The following ACTN1 variants were observed in gnomAD, a reference collection of about 807,000 sequenced individuals.
ACTN1 encodes the protein alpha-actinin-1.
ACTN1 carries 30 observed loss-of-function variants against 119.6 expected under a neutral mutation model. The ratio of observed to expected loss-of-function variants is 0.25; its 90% CI spans 0.19 to 0.34. ACTN1 has a LOEUF of 0.34. ACTN1 is among the 10% of genes least tolerant of loss of function. ACTN1 has a pLI of 1.00. For missense variants in ACTN1, 764 were observed against 1,223.4 expected (o/e 0.62, Z 5.60); for synonymous variants, 429 against 472.6 (o/e 0.91, Z 1.20).
In ACTN1 at chr14:68,931,826, A is replaced by C. The variant is rs373407307; in HGVS notation, c.106-6154T>G. Among the ~76,000 whole-genome samples, 23 of 152,272 alleles carry C rather than the reference A, an allele frequency of 1.5e-4. 2 individuals carry two copies. Among genetic ancestry groups the C allele is most frequent in the Middle Eastern group, 3.4e-3 (1 of 294 alleles). On this transcript the variant is annotated intron_variant, in intron 1 of 21. Coordinates refer to ENST00000394419, the MANE Select transcript of ACTN1 (RefSeq NM_001130004.2). Reference sequence around the variant, plus strand: ...GGGAAGATTAGAGTTCAACATAATAAAGAACAGACCACAAGCTGGCTGTAC... The same window carrying C: ...GGGAAGATTAGAGTTCAACATAATACAGAACAGACCACAAGCTGGCTGTAC...
chr14:68,914,891 T>C (rs1010605554), intron 3 of ACTN1, among the ~76,000 whole-genome samples: 3 of 152,174 alleles, frequency 2.0e-5, no homozygotes, highest in Non-Finnish European at 4.4e-5. Flanking sequence ...AATAATAATT[T>C]CTGGGAAATT....
At position 68,878,888 on chromosome 14, in the gene ACTN1, G is replaced by A; in HGVS notation, c.2361+101C>T. On this transcript the variant is annotated intron_variant, in intron 19 of 21. Transcript: ENST00000394419. This position sits in a 1 kb window ranked among gnomAD's most constrained non-coding sequence, Gnocchi z 4.4. Reference sequence around the variant, plus strand: ...GGACGAGCCCCATGGCCCACAGGAGGGGGACAGGAGATCCAGACAGAGAGA... The same window carrying A: ...GGACGAGCCCCATGGCCCACAGGAGAGGGACAGGAGATCCAGACAGAGAGA... 1 of 1,600,534 alleles carries A rather than the reference G, an allele frequency of 6.2e-7. No homozygotes were observed. The highest frequency in any genetic ancestry group is 1.7e-4 in the Middle Eastern group (1 of 6,054).
intron 1 of ACTN1, among the ~76,000 whole-genome samples, chr14:68,972,347 A>G (rs1243920875): frequency 1.3e-5 from 2 of 152,206 alleles, no homozygotes; most frequent in African/African-American, 4.8e-5. Context: ...GGCATGACAG[A>G]GAAGGGGACA....
At chr14:68,972,498 T>C (rs979816096) in intron 1 of ACTN1, among the ~76,000 whole-genome samples, 2 of 152,208 alleles carry the variant, frequency 1.3e-5, no homozygotes, top group Non-Finnish European at 2.9e-5. Flanking sequence ...TTTTTAAAAA[T>C]TGAGATAAAA....
At chr14:68,951,606 G>A (rs2036171914) in intron 1 of ACTN1, among the ~76,000 whole-genome samples, 1 of 152,182 alleles carries the variant, frequency 6.6e-6, no homozygotes, top group South Asian at 2.1e-4. Flanking sequence ...TGAAGGTGAT[G>A]CAACATTTGA....
chr14:68,898,202 A>T lies in ACTN1; in HGVS notation c.762+4275T>A, dbSNP rs561824339. Among the ~76,000 whole-genome samples the T allele has an allele frequency of 2.6e-5, 4 of 152,340 alleles. No homozygotes were observed. In the South Asian group the frequency reaches 8.3e-4, roughly 32 times the overall value. The stretch of plus-strand genomic sequence containing the variant: ...AAGCCTTCAAGTGTTCTTTCTCAGA[A>T]ACAGCAGACCATGAACTCTAAAACA... On this transcript the variant is annotated intron_variant, in intron 8 of 21. Transcript: ENST00000394419.
chr14:68,906,104 A>C (rs2033654942), intron 6 of ACTN1, among the ~76,000 whole-genome samples: 1 of 152,120 alleles, frequency 6.6e-6, no homozygotes, highest in Non-Finnish European at 1.5e-5. Context: ...ACTACCGTTT[A>C]ATGGGTACAG....
chr14:68,974,114 A>C (rs1446632135), intron 1 of ACTN1: 5 of 152,750 alleles, frequency 3.3e-5, no homozygotes, highest in Admixed American at 3.3e-4. Flanking sequence ...CAGGAAAACC[A>C]CAGGTGGGTT....
intron 3 of ACTN1, 79 bp from the exon 4 acceptor site, chr14:68,912,321 T>C (rs2034054926): frequency 9.1e-7 from 1 of 1,093,178 alleles, no homozygotes; most frequent in Non-Finnish European, 1.4e-6. Context: ...CCCACAGCAC[T>C]CCATGCCCCA....
At chr14:68,955,132 T>C (rs2036311462) in intron 1 of ACTN1, among the ~76,000 whole-genome samples, 1 of 152,210 alleles carries the variant, frequency 6.6e-6, no homozygotes, top group African/African-American at 2.4e-5. Flanking sequence ...GGCCTCCACA[T>C]CTACCCTATG....
chr14:68,890,124 C>G lies in ACTN1; in HGVS notation c.1234+15G>C. ...TGAAGCCCTGGGGGGAGGCAGGAGG[C>G]TGGGCTGGCCTCACCGTCAGTCCAG... is the stretch of plus-strand genomic sequence containing the variant. On this transcript the variant is annotated intron_variant, in intron 11 of 21. Coordinates refer to ENST00000394419, the MANE Select transcript of ACTN1 (RefSeq NM_001130004.2). 1 of 1,603,764 alleles carries G rather than the reference C, an allele frequency of 6.2e-7. No individual in the cohort carries two copies. Among genetic ancestry groups the G allele is most frequent in the Non-Finnish European group, 8.5e-7 (1 of 1,176,020 alleles).
intron 21 of ACTN1, among the ~76,000 whole-genome samples, chr14:68,876,405 CTG>C (rs1242592241): frequency 6.6e-6 from 1 of 152,014 alleles, no homozygotes; most frequent in Non-Finnish European, 1.5e-5. Flanking sequence ...TCTGGCTGCT[CTG>C]TGAGTCTTTT....
intron 1 of ACTN1, among the ~76,000 whole-genome samples, chr14:68,941,968 G>A (rs1594851772): frequency 6.6e-6 from 1 of 152,214 alleles, no homozygotes; most frequent in South Asian, 2.1e-4. Flanking sequence ...CCTCCCTGAG[G>A]GACAACCACC....
chr14:68,925,896 G>A lies in ACTN1; in HGVS notation c.106-224C>T, dbSNP rs947258549. On this transcript the variant is annotated intron_variant, in intron 1 of 21. Coordinates refer to ENST00000394419, the MANE Select transcript of ACTN1 (RefSeq NM_001130004.2). This position sits in a 1 kb window ranked among gnomAD's most constrained non-coding sequence, Gnocchi z 4.3. ...CACAGAGCCTGCTACATGGGTGGGAGCAAGCAGGATACATGAAGCAGCAAA... is the reference window on the plus strand; with the variant it reads ...CACAGAGCCTGCTACATGGGTGGGAACAAGCAGGATACATGAAGCAGCAAA... Among the ~76,000 whole-genome samples, 6 of 152,332 alleles carry A rather than the reference G, an allele frequency of 3.9e-5. No individual in the cohort carries two copies. The East Asian group carries it at 9.6e-4, about 24-fold the overall frequency.
At position 68,874,917 on chromosome 14, in the gene ACTN1, G is replaced by C; in HGVS notation, c.2687C>G (p.Pro896Arg). 4 of 1,611,488 alleles carry C rather than the reference G, an allele frequency of 2.5e-6. No homozygotes were observed. Among genetic ancestry groups the C allele is most frequent in the Non-Finnish European group, 3.4e-6 (4 of 1,178,108 alleles). The part of the protein sequence containing the change: ...MAPYTGPDSV[P>R]GALDYMSFST... ...GAAGGACATGTAGTCCAGAGCACCT[G>C]GCACGGAGTCGGGGCCGGTGTAGGG... The change falls in exon 22 of 22, where the codon CCA becomes CGA. Residue 896 changes from proline (P) to arginine (R), a missense_variant. Pro to Arg is a moderately radical substitution (Grantham distance 103). This residue lies in a region of ACTN1 where 102 missense variants were observed against 78.2 expected (regional missense o/e 1.30). Transcript: ENST00000394419.
At chr14:68,959,648 C>T (rs968002027) in intron 1 of ACTN1, among the ~76,000 whole-genome samples, 4 of 152,134 alleles carry the variant, frequency 2.6e-5, no homozygotes, top group Admixed American at 6.5e-5. Context: ...CTAACTTGTA[C>T]ATGGAATCTA....
At chr14:68,910,919 G>A (rs1396220399) in intron 4 of ACTN1, among the ~76,000 whole-genome samples, 3 of 152,146 alleles carry the variant, frequency 2.0e-5, no homozygotes, top group Non-Finnish European at 4.4e-5. Context: ...TGCAATGACT[G>A]TGAGGCCTCC....
chr14:68,970,725 C>G (rs1390255889), intron 1 of ACTN1, among the ~76,000 whole-genome samples: 1 of 152,194 alleles, frequency 6.6e-6, no homozygotes, highest in East Asian at 1.9e-4. Flanking sequence ...CTGACAGTTA[C>G]TGCTTCAACT....
intron 1 of ACTN1, among the ~76,000 whole-genome samples, chr14:68,952,112 C>G (rs1198451084): frequency 6.6e-6 from 1 of 152,216 alleles, no homozygotes; most frequent in Non-Finnish European, 1.5e-5. Flanking sequence ...GGTTCAGTCT[C>G]CAGCTTTCCG....
Sources: allele counts gnomAD v4.1 joint callset (sites outside exome capture counted in the v4.1 genomes callset), GRCh38; gene constraint gnomAD v4.1.1; regional missense constraint gnomAD v4.1.1; non-coding constraint Gnocchi (gnomAD v3.1); transcripts MANE v1.5; gene names NCBI Gene and HGNC (gene_info 2026-07-23, HGNC 2026-07-21).